Variants in TTN observed in about 807,000 individuals in gnomAD.
The protein encoded by TTN is connectin.
A neutral mutation model predicts 3,223.0 loss-of-function variants in TTN; 1,525 were observed. The observed-to-expected ratio is 0.47, with a 90% confidence interval of 0.45 to 0.49. The LOEUF (loss-of-function observed/expected upper bound fraction) is 0.49, where lower values mean the gene tolerates loss of function less well. TTN is among the 20% of genes least tolerant of loss of function. The pLI, the probability that TTN is intolerant of heterozygous loss-of-function variation, is 0.00. For missense variants in TTN, 40,786 were observed against 43,424.0 expected (o/e 0.94, Z 5.40); for synonymous variants, 14,094 against 15,161.0 (o/e 0.93, Z 5.17).
intron 50 of TTN, 45 bp from the exon 51 acceptor site, chr2:178,735,033 C>T: frequency 6.8e-7 from 1 of 1,478,792 alleles, no homozygotes; most frequent in Non-Finnish European, 9.0e-7. Flanking sequence ...ATATCTGAAA[C>T]ATAAACTCCG....
intron 59 of TTN, 30 bp from the exon 60 acceptor site, chr2:178,731,233 T>C (rs769596515): frequency 6.2e-6 from 10 of 1,610,694 alleles, no homozygotes; most frequent in Non-Finnish European, 7.6e-6. Context: ...AGATGTGGGT[T>C]GTGCATTACC....
chr2:178,566,677 C>T lies in TTN; in HGVS notation c.79455G>A (p.Val26485=), dbSNP rs1400474239. 1 of 1,613,250 alleles carries T rather than the reference C, an allele frequency of 6.2e-7. No homozygotes were observed. The highest frequency in any genetic ancestry group is 2.2e-5 in the East Asian group (1 of 44,848). The part of the protein sequence containing the change: ...ATVYYKACDP[V]FKPGPPTNAH... ...CATTGGTAGGTGGGCCAGGTTTGAA[C>T]ACAGGATCACAGGCTTTATAATAAA... Residue 26485 remains valine, a synonymous_variant, in exon 326 of 363, where the codon GTG becomes GTA. Transcript: ENST00000589042.
Position 178,678,763 on chromosome 2 carries a change from T to C in TTN, c.33810A>G (p.Glu11270=). The change falls in exon 143 of 363, where the codon GAA becomes GAG. Residue 11270 remains glutamate (E), a synonymous_variant. Coordinates refer to ENST00000589042, the MANE Select transcript of TTN (RefSeq NM_001267550.2). ...TTCATGTACCTTTGGCAGGTGGAGC[T>C]TCCACCTTTTTAGGAACTGGTACTG... ...KVPVPVPKKV[E]APPAKVPEVP... is the part of the protein sequence containing the mutation. The C allele has an allele frequency of 6.2e-7, 1 of 1,603,032 alleles. No individual in the cohort carries two copies. Among genetic ancestry groups the C allele is most frequent in the Non-Finnish European group, 8.5e-7 (1 of 1,176,326 alleles).
chr2:178,733,766 A>ATGACCTCTT lies in TTN; in HGVS notation c.15614_15622dup (p.Val5207_Ile5208insLysGluVal). 6.2e-7 allele frequency: 1 copy of ATGACCTCTT among 1,613,854 alleles called. No homozygotes were observed. The highest frequency in any genetic ancestry group is 8.5e-7 in the Non-Finnish European group (1 of 1,179,778). ...CATTTTGATTTTTCCGTCTTCTCTG[A>ATGACCTCTT]TGACCTCTTGACCTTTCATCCATGT... On this transcript the variant is annotated inframe_insertion, in exon 53 of 363. Transcript: ENST00000589042.
chr2:178,730,027 G>GGCCCC, intron 62 of TTN, 66 bp downstream of exon 62: 1 of 803,150 alleles, frequency 1.2e-6, no homozygotes, highest in Non-Finnish European at 1.9e-6. Context: ...AGCGTCCCCC[G>GGCCCC]CCCCGGCCCA....
Position 178,734,541 on chromosome 2 carries a change from G to T in TTN, c.15283C>A (p.Gln5095Lys). ...GGTCCAGTGCCTGAGACTTCACACT[G>T]AAGTAGAGCATTTGTTCCTCTCACT... The part of the protein sequence containing the change: ...DIVRGTNALL[Q>K]CEVSGTGPFE... The change falls in exon 52 of 363, where the codon CAG becomes AAG. Residue 5095 changes from glutamine (Q) to lysine (K), a missense_variant. By Grantham distance (53) the Gln-to-Lys change is moderately conservative. Transcript: ENST00000589042. 6.2e-7 allele frequency: 1 copy of T among 1,608,992 alleles called. No individual in the cohort carries two copies. Among genetic ancestry groups the T allele is most frequent in the Non-Finnish European group, 8.5e-7 (1 of 1,176,844 alleles).
chr2:178,565,529 C>T lies in TTN; in HGVS notation c.80603G>A (p.Gly26868Asp). ...EKGKSDPRVLGVPVIAKDLTI... is the reference protein window; with the variant it reads ...EKGKSDPRVLDVPVIAKDLTI... ...CAAGTCCTTGGCTATGACAGGAACA[C>T]CCAACACTCTTGGATCGCTTTTTCC... Residue 26868 changes from glycine to aspartate, a missense_variant, in exon 326 of 363, where the codon GGT becomes GAT. Gly to Asp is a moderately conservative substitution (Grantham distance 94). Coordinates refer to ENST00000589042, the MANE Select transcript of TTN (RefSeq NM_001267550.2). 2 of 1,613,476 alleles carry T rather than the reference C, an allele frequency of 1.2e-6. No homozygotes were observed. The highest frequency in any genetic ancestry group is 1.7e-6 in the Non-Finnish European group (2 of 1,179,596).
chr2:178,529,383 CAT>C (rs888913697), intron 359 of TTN, 164 bp from the exon 360 acceptor site: 287 of 494,068 alleles, frequency 5.8e-4, no homozygotes, highest in Non-Finnish European at 6.5e-5. Context: ...GGAAAATTAT[CAT>C]GTGTGACTTT....
At position 178,778,912 on chromosome 2, in the gene TTN, C is replaced by A; in HGVS notation, c.4170G>T (p.Pro1390=). 1 of 1,613,906 alleles carries A rather than the reference C, an allele frequency of 6.2e-7. No individual in the cohort carries two copies. Among genetic ancestry groups the A allele is most frequent in the Non-Finnish European group, 8.5e-7 (1 of 1,179,898 alleles). Residue 1390 remains proline (P), a synonymous_variant, in exon 24 of 363, where the codon CCG becomes CCT. Transcript: ENST00000589042. ...CTGGCTCTAGTGTGGGAATGTAAGTCGGAGCTCCAAGTGGTGCAGCAGGCT... is the reference window on the plus strand; with the variant it reads ...CTGGCTCTAGTGTGGGAATGTAAGTAGGAGCTCCAAGTGGTGCAGCAGGCT... The part of the protein sequence containing the change: ...YVEPAAPLGA[P]TYIPTLEPVS...
rs760643071 is a variant in TTN, at chr2:178,633,519, A to C, written c.42840T>G (p.Asp14280Glu). ...TGATTTTTAAGATGCGGCGCAGGCC[A>C]TCTGCCTTGATAGAATATTTGGGTG... ...VPSPKYSIKA[D>E]GLRRILKIKK... The change falls in exon 232 of 363, where the codon GAT (aspartate) becomes GAG (glutamate). Residue 14280 changes from aspartate to glutamate, a missense_variant. By Grantham distance (45) the Asp-to-Glu change is conservative (BLOSUM62 2). Coordinates refer to ENST00000589042, the MANE Select transcript of TTN (RefSeq NM_001267550.2). 5.0e-6 allele frequency: 8 copies of C among 1,613,304 alleles called. No individual in the cohort carries two copies. Among genetic ancestry groups the C allele is most frequent in the Non-Finnish European group, 6.8e-6 (8 of 1,179,626 alleles).
Position 178,636,011 on chromosome 2 carries a change from C to T in TTN, c.41560G>A (p.Val13854Met). The change falls in exon 226 of 363, where the codon GTG becomes ATG. Residue 13854 changes from valine (V) to methionine (M), a missense_variant. Val to Met is a conservative substitution (Grantham distance 21). Coordinates refer to ENST00000589042, the MANE Select transcript of TTN (RefSeq NM_001267550.2). The surrounding 1 kb of genome is among the most constrained non-coding windows in gnomAD (Gnocchi z 4.3). ...CACTCCAGGTTGTTGGCGTTTTCCA[C>T]AGTAACTGTGTATGTTCCAGCATCT... ...DTDAGTYTVT[V>M]ENANNLECSS... 2 of 1,611,820 alleles carry T rather than the reference C, an allele frequency of 1.2e-6. No homozygotes were observed. Among genetic ancestry groups the T allele is most frequent in the South Asian group, 1.1e-5 (1 of 90,886 alleles).
rs2077304950 is a variant in TTN at position 178,715,256 on chromosome 2, T to C, written c.25930A>G (p.Ile8644Val). The part of the protein sequence containing the change: ...STSLKVKEPP[I>V]FRKKPHPIET... ...ATAGGATGAGGCTTTTTGCGGAAAA[T>C]GGGTGGTTCTAAAATTGGAAAAAAG... Residue 8644 changes from isoleucine to valine, a missense_variant, in exon 90 of 363, where the codon ATT (isoleucine) becomes GTT (valine). Coordinates refer to ENST00000589042, the MANE Select transcript of TTN (RefSeq NM_001267550.2). 6.2e-7 allele frequency: 1 copy of C among 1,600,750 alleles called. No homozygotes were observed. The highest frequency in any genetic ancestry group is 1.1e-5 in the South Asian group (1 of 88,682).
At position 178,732,344 on chromosome 2, in the gene TTN, G is replaced by A. The variant is rs754782943; in HGVS notation, c.16625C>T (p.Pro5542Leu). 1.3e-6 allele frequency: 2 copies of A among 1,594,158 alleles called. No homozygotes were observed. Among genetic ancestry groups the A allele is most frequent in the Non-Finnish European group, 1.7e-6 (2 of 1,169,798 alleles). ...ECSANLFVKE[P>L]ATFVEKLEPS... is the part of the protein sequence containing the mutation. ...CTCTAACTTTTCAACAAATGTGGCA[G>A]GTTCTGTGGAAGGAAGGAAGTTATT... The change falls in exon 57 of 363, where the codon CCT (proline) becomes CTT (leucine). Residue 5542 changes from proline (P) to leucine (L), a missense_variant. Transcript: ENST00000589042.
Position 178,614,562 on chromosome 2 carries a change from T to G in TTN, c.48952A>C (p.Ile16318Leu), listed in dbSNP as rs962564634. The change falls in exon 261 of 363, where the codon ATT becomes CTT. Residue 16318 changes from isoleucine to leucine, a missense_variant. By Grantham distance (5) the Ile-to-Leu change is conservative. Transcript: ENST00000589042. Reference protein sequence around the residue: ...ENVPKKSTVTIVDSKRSDTGT... With the variant: ...ENVPKKSTVTLVDSKRSDTGT... ...GTGTCACTTCTCTTACTATCAACAA[T>G]AGTCACTGTGGATTTCTTAGGGACA... The G allele has an allele frequency of 1.2e-6, 2 of 1,612,288 alleles. No individual in the cohort carries two copies. The highest frequency in any genetic ancestry group is 1.7e-6 in the Non-Finnish European group (2 of 1,179,130).
chr2:178,644,684 C>T lies in TTN; in HGVS notation c.40409-68G>A, dbSNP rs1351499206. 2.4e-6 allele frequency: 3 copies of T among 1,245,998 alleles called. No homozygotes were observed. In the East Asian group the frequency reaches 8.5e-5, roughly 35 times the overall value. The allele number at this position is 1,245,998 out of a possible 1,614,324, so 77.2% of individuals were successfully genotyped here. A position where few individuals can be genotyped will look rare whatever the true frequency, so the allele number is the denominator to read the frequency against. On this transcript the variant is annotated intron_variant, in intron 217 of 362. Coordinates refer to ENST00000589042, the MANE Select transcript of TTN (RefSeq NM_001267550.2). Reference sequence around the variant, plus strand: ...TCTGAAGCAAGTGATTAACTTTCTACTCCAAGAATCAAAACCAAGCTTTGC... The same window carrying T: ...TCTGAAGCAAGTGATTAACTTTCTATTCCAAGAATCAAAACCAAGCTTTGC...
intron 47 of TTN, chr2:178,748,056 C>T: frequency 6.2e-7 from 1 of 1,613,000 alleles, no homozygotes; most frequent in Non-Finnish European, 8.5e-7. Context: ...CATTCTTCTT[C>T]CATTTCACCA....
Position 178,530,453 on chromosome 2 carries a change from T to C in TTN, c.106162A>G (p.Lys35388Glu). 1 of 1,614,028 alleles carries C rather than the reference T, an allele frequency of 6.2e-7. No homozygotes were observed. The highest frequency in any genetic ancestry group is 1.1e-5 in the South Asian group (1 of 91,090). The stretch of plus-strand genomic sequence containing the variant: ...TCTGATTTCTTAGTTTCTGATATTT[T>C]TGATACCTTCTCATGGATACTCTTA... ...AFKSIHEKVS[K>E]ISETKKSDQK... is the part of the protein sequence containing the mutation. The change falls in exon 358 of 363, where the codon AAA becomes GAA. Residue 35388 changes from lysine to glutamate, a missense_variant. Transcript: ENST00000589042.
In TTN at chr2:178,740,419, C is replaced by T. The variant is rs768932557; in HGVS notation, c.12814G>A (p.Val4272Met). Residue 4272 changes from valine to methionine, a missense_variant, in exon 48 of 363, where the codon GTG becomes ATG. Val to Met is a conservative substitution (Grantham distance 21). Transcript: ENST00000589042. Reference protein sequence around the residue: ...ILSQSLAEGHVESLQSPDVMI... With the variant: ...ILSQSLAEGHMESLQSPDVMI... ...ACATCAGGACTCTGGAGACTCTCCA[C>T]GTGTCCCTCAGCTAAGCTCTGACTC... 8.7e-5 allele frequency: 140 copies of T among 1,613,148 alleles called. 1 individual carries two copies. Among genetic ancestry groups the T allele is most frequent in the Middle Eastern group, 3.3e-4 (2 of 6,054 alleles).
In TTN at chr2:178,734,477, C is replaced by T. The variant is rs769626460; in HGVS notation, c.15347G>A (p.Arg5116Gln). ...AAACAATCTGTATTTTTTACTACTT[C>T]GAATTTGTTTCTTGTCTTTGAACCA... is the stretch of plus-strand genomic sequence containing the variant. ...ISWFKDKKQIRSSKKYRLFSQ... is the reference protein window; with the variant it reads ...ISWFKDKKQIQSSKKYRLFSQ... Residue 5116 changes from arginine (R) to glutamine (Q), a missense_variant, in exon 52 of 363, where the codon CGA (arginine) becomes CAA (glutamine). Physicochemically the swap from Arg to Gln is conservative, Grantham distance 43. Coordinates refer to ENST00000589042, the MANE Select transcript of TTN (RefSeq NM_001267550.2). 6.2e-6 allele frequency: 10 copies of T among 1,613,566 alleles called. No homozygotes were observed. The highest frequency in any genetic ancestry group is 1.7e-5 in the Admixed American group (1 of 59,972).
Sources: gnomAD v4.1 joint callset for allele counts on GRCh38, gnomAD v4.1.1 for gene constraint, Gnocchi (gnomAD v3.1) non-coding constraint, MANE v1.5 for transcripts, NCBI Gene and HGNC (gene_info 2026-07-23, HGNC 2026-07-21) for gene names.